Variants in GRID2 observed in about 807,000 individuals in gnomAD.
GRID2 encodes the protein glutamate ionotropic receptor delta type subunit 2.
In GRID2, 33 loss-of-function variants were observed where a neutral mutation model predicts 114.8. That is an observed-to-expected ratio of 0.29 (90% CI 0.22 to 0.38). The LOEUF (loss-of-function observed/expected upper bound fraction) is 0.38, where lower values mean the gene tolerates loss of function less well. Ranked by LOEUF, GRID2 falls within the 10% of genes least tolerant of loss-of-function variation. GRID2 has a pLI of 1.00. For missense variants in GRID2, 1,184 were observed against 1,257.7 expected (o/e 0.94, Z 0.89); for synonymous variants, 505 against 449.9 (o/e 1.12, Z -1.55).
At position 92,944,160 on chromosome 4, in the gene GRID2, G is replaced by A. The variant is rs189215928; in HGVS notation, c.245-140835G>A. ...AGAGTTTTCTGCTGCCTTTTGTATG[G>A]CTATGCCCTGCCCCCAGATGTGGAG... On this transcript the variant is annotated intron_variant, in intron 2 of 15. Coordinates refer to ENST00000282020, the MANE Select transcript of GRID2 (RefSeq NM_001510.4). 5.2e-3 allele frequency among the ~76,000 whole-genome samples: 790 copies of A among 152,304 alleles called. 7 individuals carry two copies. The highest frequency in any genetic ancestry group is 0.018 in the African/African-American group (755 of 41,558).
chr4:93,085,758 A>G (rs892993089), intron 3 of GRID2, among the ~76,000 whole-genome samples: 2 of 152,104 alleles, frequency 1.3e-5, no homozygotes, highest in Non-Finnish European at 2.9e-5. Context: ...CCTACTCAGT[A>G]CTTAACTCCT....
At chr4:93,330,534 T>C (rs1028104824) in intron 8 of GRID2, among the ~76,000 whole-genome samples, 1 of 152,196 alleles carries the variant, frequency 6.6e-6, no homozygotes, top group African/African-American at 2.4e-5. Context: ...TTAACACATA[T>C]TAATTTTTAA....
intron 2 of GRID2, among the ~76,000 whole-genome samples, chr4:92,643,775 T>A (rs1350290347): frequency 8.6e-5 from 13 of 151,494 alleles, no homozygotes; most frequent in Admixed American, 5.9e-4. Context: ...TAAAAAAAAA[T>A]TGATTGTTTA....
At chr4:93,295,201 G>A (rs985323043) in intron 8 of GRID2, among the ~76,000 whole-genome samples, 2 of 152,078 alleles carry the variant, frequency 1.3e-5, no homozygotes, top group African/African-American at 4.8e-5. Context: ...AAATTCAAAG[G>A]GATCAGCACA....
intron 11 of GRID2, among the ~76,000 whole-genome samples, chr4:93,472,680 G>T (rs1016103044): frequency 6.6e-6 from 1 of 152,082 alleles, no homozygotes; most frequent in East Asian, 1.9e-4. Context: ...AAAATGTTAG[G>T]GGCCAGATTG....
At chr4:92,513,760 A>T (rs1724367172) in intron 1 of GRID2, among the ~76,000 whole-genome samples, 2 of 151,880 alleles carry the variant, frequency 1.3e-5, no homozygotes, top group Admixed American at 6.6e-5. Flanking sequence ...TGTAGTCTGT[A>T]CTCAGAAATA....
intron 8 of GRID2, among the ~76,000 whole-genome samples, chr4:93,277,594 T>C (rs1465775668): frequency 1.3e-5 from 2 of 152,016 alleles, no homozygotes; most frequent in Non-Finnish European, 2.9e-5. Flanking sequence ...AAAATGCACC[T>C]ATTATGTAAT....
intron 2 of GRID2, among the ~76,000 whole-genome samples, chr4:92,687,391 C>A (rs1733961503): frequency 6.6e-6 from 1 of 152,030 alleles, no homozygotes; most frequent in Non-Finnish European, 1.5e-5. Flanking sequence ...CATACCACCA[C>A]AATAAAGTAA....
At chr4:92,716,521 AC>A (rs1441713000) in intron 2 of GRID2, among the ~76,000 whole-genome samples, 1 of 152,138 alleles carries the variant, frequency 6.6e-6, no homozygotes, top group Non-Finnish European at 1.5e-5. Context: ...GTGATATAAG[AC>A]CCTCACTTCC....
At chr4:93,019,627 G>A (rs894113800) in intron 2 of GRID2, among the ~76,000 whole-genome samples, 2 of 152,088 alleles carry the variant, frequency 1.3e-5, no homozygotes, top group Non-Finnish European at 2.9e-5. Context: ...CTCTTGAGGA[G>A]GCTCTCCTAC....
At chr4:92,620,642 T>C (rs907004764) in intron 2 of GRID2, among the ~76,000 whole-genome samples, 1 of 151,738 alleles carries the variant, frequency 6.6e-6, no homozygotes, top group Non-Finnish European at 1.5e-5. Context: ...TTATGAGTTT[T>C]ATGTAAATTA....
chr4:92,760,640 T>C (rs1737962384), intron 2 of GRID2, among the ~76,000 whole-genome samples: 1 of 152,168 alleles, frequency 6.6e-6, no homozygotes, highest in African/African-American at 2.4e-5. Context: ...GTGTTGACCC[T>C]GAGACAGCAT....
intron 8 of GRID2, among the ~76,000 whole-genome samples, chr4:93,304,827 G>A (rs1267448248): frequency 1.3e-5 from 2 of 152,078 alleles, no homozygotes; most frequent in Admixed American, 1.3e-4. Flanking sequence ...TTACTGGAAG[G>A]CCAAATCGTG....
intron 2 of GRID2, among the ~76,000 whole-genome samples, chr4:92,731,231 AT>A (rs35176432): frequency 0.02 from 2,973 of 149,158 alleles, 35 homozygotes; most frequent in Non-Finnish European, 0.024. Flanking sequence ...ACAATAAGTG[AT>A]TTTTTTTTTT....
chr4:93,448,902 TCCCTTCCCTTCCCTTCCCCTTCCCTTC>T (rs1560630068), intron 10 of GRID2, among the ~76,000 whole-genome samples: 11 of 20,534 alleles, frequency 5.4e-4, no homozygotes, highest in African/African-American at 4.5e-3. Context: ...CCCTTCCCCT[TCCCTTCCCTTCCCTTCCCCTTCCCTTC>T]CCCTTCCCCT....
intron 1 of GRID2, among the ~76,000 whole-genome samples, chr4:92,576,827 C>T (rs951961017): frequency 4.5e-4 from 69 of 152,158 alleles, no homozygotes; most frequent in Non-Finnish European, 9.4e-4. Context: ...GCCATTGCTC[C>T]TGGGTGTGCC....
intron 2 of GRID2, among the ~76,000 whole-genome samples, chr4:93,081,165 A>G (rs578204564): frequency 6.6e-6 from 1 of 152,290 alleles, no homozygotes; most frequent in Non-Finnish European, 1.5e-5. Flanking sequence ...GTGTCTTAAA[A>G]TCACCGGAGG....
rs1294174064 is a variant in GRID2, at chr4:93,679,106, A to G, written c.2360+52671A>G. On this transcript the variant is annotated intron_variant, in intron 14 of 15. Transcript: ENST00000282020. The stretch of plus-strand genomic sequence containing the variant: ...AGATCTACCAAGCAAATGGAAAATA[A>G]AAAAAGTCAGGGATTGCAATCCTAG... Among the ~76,000 whole-genome samples, 4 of 151,236 alleles carry G rather than the reference A, an allele frequency of 2.6e-5. 1 individual carries two copies. Among genetic ancestry groups the G allele is most frequent in the African/African-American group, 9.8e-5 (4 of 40,748 alleles).
chr4:93,170,355 A>T (rs1738681073), intron 4 of GRID2, among the ~76,000 whole-genome samples: 1 of 152,118 alleles, frequency 6.6e-6, no homozygotes, highest in Non-Finnish European at 1.5e-5. Context: ...AAGTGCTGGG[A>T]TTACAGGCAT....
Sources: gnomAD v4.1 joint callset for allele counts (sites outside exome capture counted in the v4.1 genomes callset) on GRCh38, gnomAD v4.1.1 for gene constraint, MANE v1.5 for transcripts, NCBI Gene and HGNC (gene_info 2026-07-23, HGNC 2026-07-21) for gene names.